MYO1D: variants seen among roughly 807,000 people sequenced by gnomAD.
The protein encoded by MYO1D is myosin ID, also known as unconventional myosin-Id.
A neutral mutation model predicts 122.0 loss-of-function variants in MYO1D; 83 were observed. That is an observed-to-expected ratio of 0.68 (90% CI 0.57 to 0.82). MYO1D has a LOEUF of 0.82. Among genes scored for constraint, MYO1D ranks in the 40% least tolerant of loss-of-function variants. The probability of loss-of-function intolerance (pLI) is 0.00; values close to 1 mark genes in which losing one functional copy is unlikely to be tolerated. For missense variants in MYO1D, 1,157 were observed against 1,269.5 expected (o/e 0.91, Z 1.35); for synonymous variants, 464 against 446.9 (o/e 1.04, Z -0.48).
chr17:32,512,971 CAGAAAATAGAT>C (rs1450798956), intron 21 of MYO1D: 1 of 152,228 alleles, frequency 6.6e-6, no homozygotes, highest in Admixed American at 6.5e-5. Context: ...TTCTTGAAGA[CAGAAAATAGAT>C]AATACTTTGT....
chr17:32,640,926 T>C (rs2088190231), intron 19 of MYO1D, among the ~76,000 whole-genome samples: 1 of 151,834 alleles, frequency 6.6e-6, no homozygotes, highest in African/African-American at 2.4e-5. Context: ...TATTTTATTA[T>C]TTTTTATATA....
In MYO1D at chr17:32,743,094, T is replaced by C. The variant is rs141594152; in HGVS notation, c.1613+2117A>G. On this transcript the variant is annotated intron_variant, in intron 13 of 21. Coordinates refer to ENST00000318217, the MANE Select transcript of MYO1D (RefSeq NM_015194.3). ...CTGTGACACCAGATTCCTTGTTTACTTCCTTCCTCACTGGCATGCTCTCAG... is the reference window on the plus strand; with the variant it reads ...CTGTGACACCAGATTCCTTGTTTACCTCCTTCCTCACTGGCATGCTCTCAG... 5.0e-3 allele frequency among the ~76,000 whole-genome samples: 766 copies of C among 152,312 alleles called. 4 individuals are homozygous for C. The highest frequency in any genetic ancestry group is 0.01 in the Middle Eastern group (3 of 294).
At chr17:32,525,170 C>G in intron 21 of MYO1D, among the ~76,000 whole-genome samples, 1 of 152,214 alleles carries the variant, frequency 6.6e-6, no homozygotes, top group East Asian at 1.9e-4. Flanking sequence ...ACTACAGGCT[C>G]CTGGTAGGAT....
At chr17:32,668,705 CTT>C (rs528450969) in intron 16 of MYO1D, among the ~76,000 whole-genome samples, 16 of 141,750 alleles carry the variant, frequency 1.1e-4, no homozygotes, top group Admixed American at 1.4e-4. Flanking sequence ...ATTTCTTTTT[CTT>C]TTTTTTTTTT....
rs1326885631 is a variant in MYO1D at position 32,596,172 on chromosome 17, C to T, written c.2864+8915G>A. On this transcript the variant is annotated intron_variant, in intron 21 of 21. Coordinates refer to ENST00000318217, the MANE Select transcript of MYO1D (RefSeq NM_015194.3). ...TTTGATGGACCAAAATTTAATCAAC[C>T]AGTCCTCCACAGCTGGCAATCGACA... 3.3e-5 allele frequency among the ~76,000 whole-genome samples: 5 copies of T among 152,176 alleles called. 1 individual carries two copies. Among genetic ancestry groups the T allele is most frequent in the South Asian group, 4.1e-4 (2 of 4,832 alleles).
rs575695206 is a variant in MYO1D, at chr17:32,619,354, G to A, written c.2710-14113C>T. On this transcript the variant is annotated intron_variant, in intron 20 of 21. Coordinates refer to ENST00000318217, the MANE Select transcript of MYO1D (RefSeq NM_015194.3). ...TTCATCACAAGGGTACATAAAGCAA[G>A]ACAAATGGCCAAGAAGGCGCTCCTT... Among the ~76,000 whole-genome samples the A allele has an allele frequency of 3.3e-5, 5 of 152,306 alleles. No individual in the cohort carries two copies. In the South Asian group the frequency reaches 1.0e-3, roughly 32 times the overall value.
intron 16 of MYO1D, among the ~76,000 whole-genome samples, chr17:32,692,640 CA>C (rs557612069): frequency 6.6e-6 from 1 of 151,768 alleles, no homozygotes; most frequent in Non-Finnish European, 1.5e-5. Context: ...AGGGAACTTA[CA>C]AAAAAAGGTA....
intron 21 of MYO1D, among the ~76,000 whole-genome samples, chr17:32,545,078 G>A (rs2086954868): frequency 6.6e-6 from 1 of 152,132 alleles, no homozygotes. Context: ...CCCCTTACAA[G>A]GTCTTTGTTC....
At chr17:32,655,439 T>C (rs762163555) in intron 17 of MYO1D, among the ~76,000 whole-genome samples, 2 of 152,088 alleles carry the variant, frequency 1.3e-5, no homozygotes, top group African/African-American at 4.8e-5. Context: ...ATGGAAGGAA[T>C]GCAGAGTGGG....
At chr17:32,733,283 T>C (rs2089661682) in intron 14 of MYO1D, among the ~76,000 whole-genome samples, 1 of 152,340 alleles carries the variant, frequency 6.6e-6, no homozygotes, top group Admixed American at 6.5e-5. Context: ...TCTGTGACAG[T>C]ATGAAGATAG....
chr17:32,863,291 G>A (rs2091093839), intron 1 of MYO1D, among the ~76,000 whole-genome samples: 1 of 152,198 alleles, frequency 6.6e-6, no homozygotes, highest in Admixed American at 6.5e-5. Flanking sequence ...TGGCCTACTT[G>A]CCTTTCCAGC....
chr17:32,582,823 T>C (rs2087354316), intron 21 of MYO1D, among the ~76,000 whole-genome samples: 1 of 152,232 alleles, frequency 6.6e-6, no homozygotes, highest in Non-Finnish European at 1.5e-5. Flanking sequence ...TTTGAAATTC[T>C]TTTAGGGCCA....
At chr17:32,553,599 A>T (rs1165916366) in intron 21 of MYO1D, among the ~76,000 whole-genome samples, 7 of 152,112 alleles carry the variant, frequency 4.6e-5, no homozygotes, top group African/African-American at 1.7e-4. Flanking sequence ...AAAGCTGAAG[A>T]CCATTCCCTC....
chr17:32,578,854 C>T (rs1419638284), intron 21 of MYO1D, among the ~76,000 whole-genome samples: 3 of 152,058 alleles, frequency 2.0e-5, no homozygotes, highest in East Asian at 1.9e-4. Context: ...ATCCTGGCCC[C>T]TTTTCACTCT....
chr17:32,543,902 C>T (rs941266883), intron 21 of MYO1D, among the ~76,000 whole-genome samples: 2 of 152,170 alleles, frequency 1.3e-5, no homozygotes, highest in African/African-American at 4.8e-5. Flanking sequence ...AAGCAATTCT[C>T]CTGCCTCAGC....
intron 21 of MYO1D, among the ~76,000 whole-genome samples, chr17:32,552,354 G>C (rs1015556436): frequency 6.7e-6 from 1 of 148,564 alleles, no homozygotes; most frequent in African/African-American, 2.5e-5. Flanking sequence ...TGGTATTACA[G>C]GCATGAGCCA....
chr17:32,858,562 C>A (rs1211290315), intron 1 of MYO1D, among the ~76,000 whole-genome samples: 3 of 152,186 alleles, frequency 2.0e-5, no homozygotes, highest in African/African-American at 7.2e-5. Flanking sequence ...GCATCTTTAG[C>A]AGGAATGTCA....
At chr17:32,857,446 G>A (rs1001904158) in intron 1 of MYO1D, among the ~76,000 whole-genome samples, 1 of 152,050 alleles carries the variant, frequency 6.6e-6, no homozygotes, top group African/African-American at 2.4e-5. Flanking sequence ...TTAGCTGGGC[G>A]TGGTGGCGGG....
chr17:32,857,607 C>T (rs1293536793), intron 1 of MYO1D, among the ~76,000 whole-genome samples: 1 of 148,980 alleles, frequency 6.7e-6, no homozygotes, highest in Non-Finnish European at 1.5e-5. Flanking sequence ...AAAAAATAGA[C>T]TCCTTTAACC....
Sources: gnomAD v4.1 joint callset for allele counts (sites outside exome capture counted in the v4.1 genomes callset) on GRCh38, gnomAD v4.1.1 for gene constraint, MANE v1.5 for transcripts, NCBI Gene and HGNC (gene_info 2026-07-23, HGNC 2026-07-21) for gene names.